Variants in VCAN observed in about 807,000 individuals in gnomAD.
VCAN encodes versican.
VCAN carries 44 observed loss-of-function variants against 245.5 expected under a neutral mutation model. That is an observed-to-expected ratio of 0.18 (90% CI 0.14 to 0.23). VCAN has a LOEUF of 0.23. Among genes scored for constraint, VCAN ranks in the 10% least tolerant of loss-of-function variants. The pLI, the probability that VCAN is intolerant of heterozygous loss-of-function variation, is 1.00. For missense variants in VCAN, 3,793 were observed against 4,057.9 expected (o/e 0.93, Z 1.77); for synonymous variants, 1,413 against 1,437.0 (o/e 0.98, Z 0.38).
chr5:83,481,546 G>A (rs955127798), intron 1 of VCAN, among the ~76,000 whole-genome samples: 11 of 152,032 alleles, frequency 7.2e-5, no homozygotes, highest in Admixed American at 3.3e-4. Flanking sequence ...AAACATTATG[G>A]CATTTCCCAG....
chr5:83,506,012 C>T (rs569893527), intron 5 of VCAN, among the ~76,000 whole-genome samples: 2 of 152,318 alleles, frequency 1.3e-5, no homozygotes, highest in African/African-American at 4.8e-5. Context: ...TACCAATTCC[C>T]CAAGCTGCAT....
At position 83,529,336 on chromosome 5, in the gene VCAN, G is replaced by GA. The variant is rs56718452; in HGVS notation, c.4003+7042dup. 1.3e-3 allele frequency among the ~76,000 whole-genome samples: 142 copies of GA among 105,356 alleles called. 1 individual carries two copies. Among genetic ancestry groups the GA allele is most frequent in the Middle Eastern group, 5.7e-3 (1 of 174 alleles). 69.1% of individuals were successfully genotyped at this position (105,356 alleles called of 152,430 possible). A position where few individuals can be genotyped will look rare whatever the true frequency, so the allele number is the denominator to read the frequency against. On this transcript the variant is annotated intron_variant, in intron 7 of 14. Transcript: ENST00000265077. ...GACCAAACATGGATAAAGAATATTT[G>GA]AAAAAAAAAAAAAAAGCACCACAAT...
intron 12 of VCAN, among the ~76,000 whole-genome samples, chr5:83,569,814 C>T (rs1303405213): frequency 6.6e-6 from 1 of 151,962 alleles, no homozygotes; most frequent in African/African-American, 2.4e-5. Flanking sequence ...ATAGAGAGTA[C>T]CAAATATAGA....
chr5:83,541,844 G>A lies in VCAN; in HGVS notation c.8841G>A (p.Met2947Ile), dbSNP rs1300613592. 2.5e-6 allele frequency: 4 copies of A among 1,613,944 alleles called. No individual in the cohort carries two copies. Among genetic ancestry groups the A allele is most frequent in the Non-Finnish European group, 3.4e-6 (4 of 1,179,994 alleles). The change falls in exon 8 of 15, where the codon ATG becomes ATA. Residue 2947 changes from methionine (M) to isoleucine (I), a missense_variant. Physicochemically the swap from Met to Ile is conservative, Grantham distance 10. This residue lies in a region of VCAN where 3,182 missense variants were observed against 3,250.3 expected (regional missense o/e 0.98). Coordinates refer to ENST00000265077, the MANE Select transcript of VCAN (RefSeq NM_004385.5). ...DGQVSGEAIK[M>I]FPTIKTPEAG... ...AAGTTTCTGGAGAAGCAATCAAGAT[G>A]TTTCCCACCATTAAAACACCTGAGG...
intron 10 of VCAN, 61 bp from the exon 11 acceptor site, chr5:83,553,303 G>T: frequency 6.2e-7 from 1 of 1,600,792 alleles, no homozygotes; most frequent in South Asian, 1.1e-5. Context: ...ACACTTGGTT[G>T]GGGGTGCCAA....
chr5:83,523,801 A>G (rs1336154507), intron 7 of VCAN, among the ~76,000 whole-genome samples: 2 of 152,056 alleles, frequency 1.3e-5, no homozygotes, highest in African/African-American at 4.8e-5. Flanking sequence ...ATCCTTTTCC[A>G]TCTCTCGGAA....
In VCAN at chr5:83,542,105, A is replaced by T. The variant is rs772229604; in HGVS notation, c.9102A>T (p.Ala3034=). Residue 3034 remains alanine (A), a synonymous_variant, in exon 8 of 15, where the codon GCA becomes GCT. Coordinates refer to ENST00000265077, the MANE Select transcript of VCAN (RefSeq NM_004385.5). ...STIAASEQQV[A]ARILDSNDQA... is the part of the protein sequence containing the mutation. ...TAGCAGCATCAGAACAGCAAGTGGC[A>T]GCGAGAATTCTTGATTCCAATGATC... is the stretch of plus-strand genomic sequence containing the variant. The T allele has an allele frequency of 6.8e-6, 11 of 1,614,004 alleles. No homozygotes were observed. Among genetic ancestry groups the T allele is most frequent in the Non-Finnish European group, 8.5e-6 (10 of 1,179,984 alleles).
chr5:83,499,774 A>G (rs1345598240), intron 5 of VCAN, among the ~76,000 whole-genome samples: 1 of 152,018 alleles, frequency 6.6e-6, no homozygotes, highest in Non-Finnish European at 1.5e-5. Context: ...ATAGGTTATT[A>G]TTTTTACTGT....
At position 83,479,349 on chromosome 5, in the gene VCAN, G is replaced by A. The variant is rs76846087; in HGVS notation, c.-6-4164G>A. Among the ~76,000 whole-genome samples, 35 of 152,096 alleles carry A rather than the reference G, an allele frequency of 2.3e-4. No individual in the cohort carries two copies. The East Asian group carries it at 6.0e-3, about 26-fold the overall frequency. ...TTTAATAGAATCTTGGCTTTCTCTC[G>A]GAGGCTGCCCATCCCTGGTGTGTCC... On this transcript the variant is annotated intron_variant, in intron 1 of 14. Coordinates refer to ENST00000265077, the MANE Select transcript of VCAN (RefSeq NM_004385.5).
Position 83,581,683 on chromosome 5 carries a change from G to A in VCAN, c.*1249G>A, listed in dbSNP as rs369695257. On this transcript the variant is annotated 3_prime_UTR_variant, in exon 15 of 15. Transcript: ENST00000265077. ...TGTTTGCCCATTCTAAGAAATGAGC[G>A]AATATATAGAAATAGTGTGGGCATT... is the stretch of plus-strand genomic sequence containing the variant. The A allele has an allele frequency of 1.3e-5, 2 of 152,136 alleles. No individual in the cohort carries two copies. The highest frequency in any genetic ancestry group is 2.9e-5 in the Non-Finnish European group (2 of 68,028). 9.4% of individuals were successfully genotyped at this position (152,136 alleles called of 1,614,324 possible).
intron 11 of VCAN, 87 bp downstream of exon 11, chr5:83,553,609 C>T: frequency 6.5e-7 from 1 of 1,547,764 alleles, no homozygotes; most frequent in Non-Finnish European, 8.9e-7. Context: ...AAAGAAGTAG[C>T]TTTTTCAATC....
intron 8 of VCAN, among the ~76,000 whole-genome samples, chr5:83,544,572 A>T (rs1747132146): frequency 6.6e-6 from 1 of 152,204 alleles, no homozygotes; most frequent in South Asian, 2.1e-4. Context: ...TGTATTCCAT[A>T]GATAATCTAT....
chr5:83,512,831 A>G (rs1457111149), intron 6 of VCAN: 1 of 158,064 alleles, frequency 6.3e-6, no homozygotes, highest in African/African-American at 2.4e-5. Flanking sequence ...AAATTTCAGT[A>G]ATTACAGGTG....
intron 12 of VCAN, among the ~76,000 whole-genome samples, chr5:83,563,656 C>T (rs113260940): frequency 6.6e-4 from 100 of 152,268 alleles, no homozygotes; most frequent in African/African-American, 2.4e-3. Context: ...TGGTTATCTG[C>T]TTGCCCTTGG....
chr5:83,539,031 G>A lies in VCAN; in HGVS notation c.6028G>A (p.Gly2010Ser). ...PWEEFTSSAEGSGEQLVTVSS... is the reference protein window; with the variant it reads ...PWEEFTSSAESSGEQLVTVSS... ...GGAAGAGTTTACATCCTCAGCTGAG[G>A]GCTCAGGTGAGCAACTGGTCACAGT... Residue 2010 changes from glycine to serine, a missense_variant, in exon 8 of 15, where the codon GGC (glycine) becomes AGC (serine). By Grantham distance (56) the Gly-to-Ser change is moderately conservative (BLOSUM62 0). Transcript: ENST00000265077. 6.2e-7 allele frequency: 1 copy of A among 1,613,976 alleles called. No individual in the cohort carries two copies. The highest frequency in any genetic ancestry group is 8.5e-7 in the Non-Finnish European group (1 of 1,179,956).
Position 83,520,111 on chromosome 5 carries a change from C to A in VCAN, c.1805C>A (p.Ala602Glu). The change falls in exon 7 of 15, where the codon GCA becomes GAA. Residue 602 changes from alanine (A) to glutamate (E), a missense_variant. This residue lies in a region of VCAN where 3,182 missense variants were observed against 3,250.3 expected (regional missense o/e 0.98). Transcript: ENST00000265077. ...THLEDLESVSASTTVSPLIMP... is the reference protein window; with the variant it reads ...THLEDLESVSESTTVSPLIMP... ...TTAGAAGACTTGGAGTCAGTCTCAG[C>A]ATCCACAACTGTTTCCCCTTTAATT... The A allele has an allele frequency of 6.2e-7, 1 of 1,614,058 alleles. No homozygotes were observed. The highest frequency in any genetic ancestry group is 8.5e-7 in the Non-Finnish European group (1 of 1,179,978).
chr5:83,522,116 A>T lies in VCAN; in HGVS notation c.3810A>T (p.Glu1270Asp), dbSNP rs1219790834. ...PTTLEDIVAK[E>D]TETDIDREYF... is the part of the protein sequence containing the mutation. ...CCCTTGAAGATATTGTAGCCAAGGA[A>T]ACAGAAACCGATATTGATAGAGAGT... Residue 1270 changes from glutamate (E) to aspartate (D), a missense_variant, in exon 7 of 15, where the codon GAA (glutamate) becomes GAT (aspartate). Transcript: ENST00000265077. The T allele has an allele frequency of 1.2e-6, 2 of 1,613,976 alleles. No homozygotes were observed. Among genetic ancestry groups the T allele is most frequent in the African/African-American group, 2.7e-5 (2 of 74,932 alleles).
At chr5:83,486,703 A>G (rs1744802460) in intron 2 of VCAN, among the ~76,000 whole-genome samples, 2 of 152,252 alleles carry the variant, frequency 1.3e-5, no homozygotes, top group Admixed American at 1.3e-4. Flanking sequence ...CAGTATTTAC[A>G]ACAATAATTT....
At chr5:83,564,550 T>G (rs1028494743) in intron 12 of VCAN, among the ~76,000 whole-genome samples, 6 of 152,310 alleles carry the variant, frequency 3.9e-5, no homozygotes, top group African/African-American at 1.4e-4. Context: ...TCCTAGCAAC[T>G]AAGGCAAATA....
Sources: allele counts gnomAD v4.1 joint callset (sites outside exome capture counted in the v4.1 genomes callset), GRCh38; gene constraint gnomAD v4.1.1; regional missense constraint gnomAD v4.1.1; transcripts MANE v1.5; gene names NCBI Gene and HGNC (gene_info 2026-07-23, HGNC 2026-07-21).